The following EIF4G3 variants were observed in gnomAD, a reference collection of about 807,000 sequenced individuals.
The protein encoded by EIF4G3 is eukaryotic translation initiation factor 4 gamma 3.
Under a neutral mutation model 186.4 loss-of-function variants are expected in EIF4G3, and 34 were observed. The observed-to-expected ratio is 0.18, with a 90% CI of 0.14 to 0.24. EIF4G3 has a LOEUF of 0.24. Ranked by LOEUF, EIF4G3 falls within the 10% of genes least tolerant of loss-of-function variation. EIF4G3 has a pLI of 1.00. For synonymous variants in EIF4G3, 673 were observed against 679.5 expected, an observed-to-expected ratio of 0.99 and a Z score of 0.15; for missense variants, 1,536 against 1,948.5, an observed-to-expected ratio of 0.79 and a Z score of 3.99.
At position 20,860,423 on chromosome 1, in the gene EIF4G3, T is replaced by C. The variant is rs1429028768; in HGVS notation, c.3206A>G (p.Lys1069Arg). The change falls in exon 24 of 37, where the codon AAG becomes AGG. Residue 1069 changes from lysine to arginine, a missense_variant. By Grantham distance (26) the Lys-to-Arg change is conservative. Transcript: ENST00000602326. Reference sequence around the variant, plus strand: ...CTCTTTGGTCATGAGTTGCTGGACCTTCCTTTGCTCTTCTTGTTCTTCTAT... The same window carrying C: ...CTCTTTGGTCATGAGTTGCTGGACCCTCCTTTGCTCTTCTTGTTCTTCTAT... ...AKIEEQEEQR[K>R]VQQLMTKEKR... 6.2e-7 allele frequency: 1 copy of C among 1,614,024 alleles called. No homozygotes were observed. Among genetic ancestry groups the C allele is most frequent in the African/African-American group, 1.3e-5 (1 of 74,928 alleles).
intron 2 of EIF4G3, among the ~76,000 whole-genome samples, chr1:21,171,700 G>A (rs1182748784): frequency 6.6e-6 from 1 of 152,094 alleles, no homozygotes; most frequent in Non-Finnish European, 1.5e-5. Flanking sequence ...ACAATCATAA[G>A]CAATTATAAT....
intron 4 of EIF4G3, among the ~76,000 whole-genome samples, chr1:21,005,149 T>C (rs972796749): frequency 6.6e-6 from 1 of 152,188 alleles, no homozygotes; most frequent in African/African-American, 2.4e-5. Context: ...TATTTTAACT[T>C]AAGAAAACAC....
At chr1:20,855,499 G>C (rs1571716436) in intron 25 of EIF4G3, among the ~76,000 whole-genome samples, 1 of 152,254 alleles carries the variant, frequency 6.6e-6, no homozygotes, top group East Asian at 1.9e-4. Flanking sequence ...ATGTTGGCTA[G>C]AGACAGGCAG....
intron 33 of EIF4G3, 45 bp downstream of exon 33, chr1:20,825,055 T>C (rs767061706): frequency 2.5e-5 from 32 of 1,290,166 alleles, no homozygotes; most frequent in Admixed American, 6.1e-5. Context: ...CTCTATGAAA[T>C]AGATCAACTA....
intron 2 of EIF4G3, among the ~76,000 whole-genome samples, chr1:21,098,825 T>C (rs932168852): frequency 6.6e-6 from 1 of 152,090 alleles, no homozygotes; most frequent in African/African-American, 2.4e-5. Flanking sequence ...TTTGTAAAGA[T>C]GAAGTCTCGC....
intron 12 of EIF4G3, among the ~76,000 whole-genome samples, chr1:20,960,635 C>T (rs569381139): frequency 6.6e-6 from 1 of 151,974 alleles, no homozygotes; most frequent in Non-Finnish European, 1.5e-5. Context: ...TGCATGTAGT[C>T]CCAGCTACTC....
At chr1:21,024,207 G>A (rs1355408036) in intron 4 of EIF4G3, among the ~76,000 whole-genome samples, 25 of 151,408 alleles carry the variant, frequency 1.7e-4, no homozygotes, top group Non-Finnish European at 3.3e-4. Flanking sequence ...CGCCCCATCC[G>A]GGAGGGAGGT....
intron 4 of EIF4G3, among the ~76,000 whole-genome samples, chr1:21,007,557 A>C (rs138650404): frequency 4.7e-4 from 69 of 146,206 alleles, no homozygotes; most frequent in Admixed American, 1.2e-3. Context: ...AAACAAAAAA[A>C]CTGGAAATAT....
intron 7 of EIF4G3, among the ~76,000 whole-genome samples, chr1:20,982,883 A>G (rs939853936): frequency 2.0e-5 from 3 of 152,202 alleles, no homozygotes; most frequent in African/African-American, 4.8e-5. Context: ...AATGACAGAG[A>G]CTTGCTTGCT....
chr1:20,854,853 A>C, intron 26 of EIF4G3, 125 bp downstream of exon 26: 1 of 613,920 alleles, frequency 1.6e-6, no homozygotes, highest in East Asian at 2.9e-5. Flanking sequence ...GCTACCAATA[A>C]AATTTTAGGC....
intron 3 of EIF4G3, among the ~76,000 whole-genome samples, chr1:21,057,411 T>A (rs1038692273): frequency 1.3e-5 from 2 of 152,162 alleles, no homozygotes; most frequent in Admixed American, 6.5e-5. Flanking sequence ...ATATAAAGTA[T>A]GATTCCATTT....
rs201434543 is a variant in EIF4G3, at chr1:21,138,820, GA to G, written c.-272+37354del. Among the ~76,000 whole-genome samples the G allele has an allele frequency of 8.0e-3, 1,211 of 151,670 alleles. 16 individuals carry two copies. Among genetic ancestry groups the G allele is most frequent in the African/African-American group, 0.027 (1,136 of 41,370 alleles). ...AGCAAGACTGTTTCAAAAAAATAAA[GA>G]AAAAAAATCACTTCCTCATGGAAAA... On this transcript the variant is annotated intron_variant, in intron 2 of 36. Coordinates refer to ENST00000602326, the MANE Select transcript of EIF4G3 (RefSeq NM_001391906.1).
chr1:20,881,484 A>G (rs1388066021), intron 19 of EIF4G3, among the ~76,000 whole-genome samples: 1 of 152,222 alleles, frequency 6.6e-6, no homozygotes, highest in Admixed American at 6.5e-5. Context: ...GACTAATTCA[A>G]TATTATCAAA....
chr1:21,145,566 T>TGCTA (rs1169932977), intron 2 of EIF4G3, among the ~76,000 whole-genome samples: 1 of 152,118 alleles, frequency 6.6e-6, no homozygotes, highest in Non-Finnish European at 1.5e-5. Context: ...CACCTAGCTA[T>TGCTA]GCTACGTGTT....
chr1:21,174,098 A>G (rs2098049713), intron 2 of EIF4G3, among the ~76,000 whole-genome samples: 1 of 152,234 alleles, frequency 6.6e-6, no homozygotes, highest in Admixed American at 6.5e-5. Context: ...ACACATCAAG[A>G]GGAAGATTAA....
intron 33 of EIF4G3, among the ~76,000 whole-genome samples, chr1:20,824,172 T>A (rs1333136948): frequency 1.3e-5 from 2 of 152,240 alleles, no homozygotes; most frequent in African/African-American, 4.8e-5. Flanking sequence ...AGGAAATTAC[T>A]TCCACCTCTT....
chr1:21,125,200 T>C (rs1558076017), intron 2 of EIF4G3, among the ~76,000 whole-genome samples: 1 of 152,154 alleles, frequency 6.6e-6, no homozygotes, highest in Non-Finnish European at 1.5e-5. Context: ...GTTCTACGTA[T>C]GCAGCATATG....
At chr1:21,107,940 G>A (rs978553432) in intron 2 of EIF4G3, among the ~76,000 whole-genome samples, 2 of 152,234 alleles carry the variant, frequency 1.3e-5, no homozygotes, top group Non-Finnish European at 2.9e-5. Context: ...TTGAGCCCAG[G>A]AATTCAAGAC....
intron 33 of EIF4G3, among the ~76,000 whole-genome samples, chr1:20,820,510 T>C (rs1489458062): frequency 6.6e-6 from 1 of 151,772 alleles, no homozygotes. Flanking sequence ...GAGTCCTGGG[T>C]GGAAGGGGGC....
Sources: allele counts gnomAD v4.1 joint callset (sites outside exome capture counted in the v4.1 genomes callset), GRCh38; gene constraint gnomAD v4.1.1; transcripts MANE v1.5; gene names NCBI Gene and HGNC (gene_info 2026-07-23, HGNC 2026-07-21).